AKAP11: variants seen among roughly 807,000 people sequenced by gnomAD.
The protein encoded by AKAP11 is A-kinase anchoring protein 11.
A neutral mutation model predicts 146.1 loss-of-function variants in AKAP11; 36 were observed. The observed-to-expected ratio is 0.25, with a 90% CI of 0.19 to 0.33. The LOEUF is 0.33. Among genes scored for constraint, AKAP11 ranks in the 10% least tolerant of loss-of-function variants. The pLI is 1.00. For missense variants in AKAP11, 2,201 were observed against 2,197.0 expected (o/e 1.00, Z -0.04); for synonymous variants, 780 against 786.5 (o/e 0.99, Z 0.14).
chr13:42,291,036 C>G (rs1276086728), intron 3 of AKAP11, among the ~76,000 whole-genome samples: 5 of 152,112 alleles, frequency 3.3e-5, no homozygotes, highest in African/African-American at 1.2e-4. Flanking sequence ...AGGTCAGATT[C>G]AAATGTAACA....
chr13:42,299,647 T>C lies in AKAP11; in HGVS notation c.901T>C (p.Ser301Pro). 1 of 1,613,912 alleles carries C rather than the reference T, an allele frequency of 6.2e-7. No homozygotes were observed. The highest frequency in any genetic ancestry group is 8.5e-7 in the Non-Finnish European group (1 of 1,179,876). Residue 301 changes from serine to proline, a missense_variant, in exon 8 of 13, where the codon TCT becomes CCT. Physicochemically the swap from Ser to Pro is moderately conservative, Grantham distance 74. Around this residue, in one of 3 missense-constraint regions of AKAP11, gnomAD observed 331 missense variants for 347.4 expected, o/e 0.95. Transcript: ENST00000025301. ...TGATTTACAGAAAACATTTTTTTCG[T>C]CTTCTCCTGCCTACTCATCTGAATC... ...DSDLQKTFFS[S>P]SPAYSSESEC...
Position 42,317,514 on chromosome 13 carries a change from CATTT to C in AKAP11, c.5405-12_5405-9del. 1 of 1,607,680 alleles carries C rather than the reference CATTT, an allele frequency of 6.2e-7. No individual in the cohort carries two copies. On this transcript the variant is annotated splice_polypyrimidine_tract_variant and intron_variant, in intron 11 of 12. Transcript: ENST00000025301. ...GATGAGTTTTACTTTATATTGTTTA[CATTT>C]AAATATTAGGTTTGGGGCAAGATGG...
intron 1 of AKAP11, among the ~76,000 whole-genome samples, chr13:42,280,480 C>G (rs569030086): frequency 6.6e-6 from 1 of 152,334 alleles, no homozygotes; most frequent in East Asian, 1.9e-4. Flanking sequence ...TGAAGGCATA[C>G]TTTGCTCTTT....
intron 3 of AKAP11, among the ~76,000 whole-genome samples, chr13:42,290,101 AT>A (rs1959194468): frequency 6.6e-6 from 1 of 152,094 alleles, no homozygotes; most frequent in Non-Finnish European, 1.5e-5. Context: ...TCCACACTGT[AT>A]TTGGTCAAGG....
chr13:42,297,211 A>AT (rs1959566836), intron 6 of AKAP11, 29 bp downstream of exon 6: 2 of 1,385,026 alleles, frequency 1.4e-6, no homozygotes, highest in Non-Finnish European at 1.9e-6. Context: ...TTCTAATGAG[A>AT]TTTTTAGGGC....
chr13:42,290,940 A>T (rs572874324), intron 3 of AKAP11, among the ~76,000 whole-genome samples: 1 of 152,318 alleles, frequency 6.6e-6, no homozygotes, highest in East Asian at 1.9e-4. Flanking sequence ...GACTATGCTC[A>T]TTGCCACTGA....
chr13:42,294,138 CT>C (rs1463558699), intron 4 of AKAP11, among the ~76,000 whole-genome samples: 2 of 152,132 alleles, frequency 1.3e-5, no homozygotes, highest in Non-Finnish European at 2.9e-5. Flanking sequence ...TGACTTGCTT[CT>C]GAATCATCAG....
chr13:42,314,204 G>A (rs1323664850), intron 11 of AKAP11, among the ~76,000 whole-genome samples: 1 of 152,156 alleles, frequency 6.6e-6, no homozygotes, highest in Non-Finnish European at 1.5e-5. Flanking sequence ...CAGCATTTTG[G>A]GTGGCTGAGG....
Position 42,303,013 on chromosome 13 carries a change from A to G in AKAP11, c.4267A>G (p.Lys1423Glu). The G allele has an allele frequency of 6.2e-7, 1 of 1,613,412 alleles. No individual in the cohort carries two copies. The highest frequency in any genetic ancestry group is 1.1e-5 in the South Asian group (1 of 91,058). ...SNKEHHQEAD[K>E]KRQSKRNEGY... is the part of the protein sequence containing the mutation. ...CAAAGAGCACCACCAAGAAGCAGAC[A>G]AAAAGAGACAAAGTAAAAGAAATGA... The change falls in exon 8 of 13, where the codon AAA becomes GAA. Residue 1423 changes from lysine (K) to glutamate (E), a missense_variant. By Grantham distance (56) the Lys-to-Glu change is moderately conservative. This residue lies in a region of AKAP11 where 1,867 missense variants were observed against 1,833.5 expected (regional missense o/e 1.02). Coordinates refer to ENST00000025301, the MANE Select transcript of AKAP11 (RefSeq NM_016248.4).
chr13:42,291,529 G>T lies in AKAP11; in HGVS notation c.52-856G>T, dbSNP rs574271023. On this transcript the variant is annotated intron_variant, in intron 3 of 12. Coordinates refer to ENST00000025301, the MANE Select transcript of AKAP11 (RefSeq NM_016248.4). ...CCCAAAGTGCTGGGATTACACACGT[G>T]AGCCACTGTGCCCAGCCAATAATTA... Among the ~76,000 whole-genome samples the T allele has an allele frequency of 2.0e-5, 3 of 152,318 alleles. No homozygotes were observed. In the East Asian group the frequency reaches 5.8e-4, roughly 29 times the overall value.
At chr13:42,274,343 A>C (rs1219970366) in intron 1 of AKAP11, among the ~76,000 whole-genome samples, 1 of 152,170 alleles carries the variant, frequency 6.6e-6, no homozygotes, top group African/African-American at 2.4e-5. Flanking sequence ...GAAAGATCCA[A>C]GTGTCTCGAT....
chr13:42,309,487 G>A (rs1210607775), intron 9 of AKAP11, among the ~76,000 whole-genome samples: 1 of 152,152 alleles, frequency 6.6e-6, no homozygotes, highest in Non-Finnish European at 1.5e-5. Context: ...TCTTGGAAAA[G>A]GGAATGAGGT....
At chr13:42,285,007 G>A (rs1959137564) in intron 1 of AKAP11, among the ~76,000 whole-genome samples, 1 of 152,186 alleles carries the variant, frequency 6.6e-6, no homozygotes, top group Non-Finnish European at 1.5e-5. Flanking sequence ...CTCTAAAGAA[G>A]TGTGTGTGTT....
intron 3 of AKAP11, among the ~76,000 whole-genome samples, chr13:42,289,763 C>T (rs535937450): frequency 6.6e-6 from 1 of 152,208 alleles, no homozygotes; most frequent in African/African-American, 2.4e-5. Flanking sequence ...AGTTCACGTT[C>T]AGATTTCACA....
intron 12 of AKAP11, 43 bp from the exon 13 acceptor site, chr13:42,319,045 A>C: frequency 6.3e-7 from 1 of 1,575,062 alleles, no homozygotes; most frequent in Non-Finnish European, 8.6e-7. Flanking sequence ...GCTTTGTTAT[A>C]AAATTGTTTT....
At position 42,298,653 on chromosome 13, in the gene AKAP11, A is replaced by G; in HGVS notation, c.472A>G (p.Thr158Ala). 1.2e-6 allele frequency: 2 copies of G among 1,612,248 alleles called. No homozygotes were observed. Among genetic ancestry groups the G allele is most frequent in the Non-Finnish European group, 1.7e-6 (2 of 1,179,380 alleles). The change falls in exon 7 of 13, where the codon ACA becomes GCA. Residue 158 changes from threonine to alanine, a missense_variant. By Grantham distance (58) the Thr-to-Ala change is moderately conservative. Around this residue, in one of 3 missense-constraint regions of AKAP11, gnomAD observed 331 missense variants for 347.4 expected, o/e 0.95. Coordinates refer to ENST00000025301, the MANE Select transcript of AKAP11 (RefSeq NM_016248.4). Reference protein sequence around the residue: ...YATGIRYTLDTFLHQKHQLET... With the variant: ...YATGIRYTLDAFLHQKHQLET... ...TACTGGTATAAGGTACACCTTGGAC[A>G]CATTCTTGCATCAGAAGCACCAACT...
intron 1 of AKAP11, among the ~76,000 whole-genome samples, chr13:42,278,048 A>G (rs1023503316): frequency 1.1e-4 from 16 of 152,182 alleles, no homozygotes; most frequent in African/African-American, 3.1e-4. Flanking sequence ...ACTGGCATCT[A>G]GTGGGTAGAG....
intron 5 of AKAP11, among the ~76,000 whole-genome samples, 191 bp downstream of exon 5, chr13:42,295,933 A>G (rs950400558): frequency 1.3e-5 from 2 of 152,200 alleles, no homozygotes; most frequent in Non-Finnish European, 2.9e-5. Context: ...CTTAACAGTA[A>G]AAATTCTTAT....
At chr13:42,275,140 G>T (rs1958883892) in intron 1 of AKAP11, among the ~76,000 whole-genome samples, 1 of 152,248 alleles carries the variant, frequency 6.6e-6, no homozygotes, top group African/African-American at 2.4e-5. Context: ...TCTTCAGGCA[G>T]TTACTCTTCC....
Sources: gnomAD v4.1 joint callset for allele counts (sites outside exome capture counted in the v4.1 genomes callset) on GRCh38, gnomAD v4.1.1 for gene constraint, gnomAD v4.1.1 regional missense constraint, MANE v1.5 for transcripts, NCBI Gene and HGNC (gene_info 2026-07-23, HGNC 2026-07-21) for gene names.